TNFRSF1B: variants seen among roughly 807,000 people sequenced by gnomAD.
The protein encoded by TNFRSF1B is tumor necrosis factor receptor superfamily member 1B.
In TNFRSF1B, 19 loss-of-function variants were observed where a neutral mutation model predicts 44.6. The observed-to-expected ratio is 0.43, with a 90% CI of 0.30 to 0.62. The LOEUF (loss-of-function observed/expected upper bound fraction) is 0.62. TNFRSF1B is among the 20% of genes least tolerant of loss of function. The probability of loss-of-function intolerance (pLI) is 0.16; values close to 1 mark genes in which losing one functional copy is unlikely to be tolerated. For missense variants in TNFRSF1B, 541 were observed against 619.9 expected, an observed-to-expected ratio of 0.87 and a Z score of 1.35; for synonymous variants, 252 against 261.1, an observed-to-expected ratio of 0.97 and a Z score of 0.34.
Position 12,180,161 on chromosome 1 carries a change from G to A in TNFRSF1B, c.79-8635G>A, listed in dbSNP as rs977879688. Among the ~76,000 whole-genome samples, 4 of 152,144 alleles carry A rather than the reference G, an allele frequency of 2.6e-5. No individual in the cohort carries two copies. The highest frequency in any genetic ancestry group is 2.1e-4 in the South Asian group (1 of 4,834). On this transcript the variant is annotated intron_variant, in intron 1 of 9. Transcript: ENST00000376259. The surrounding 1 kb of genome is among the most constrained non-coding windows in gnomAD (Gnocchi z 4.3). The stretch of plus-strand genomic sequence containing the variant: ...AAAAGCCATGAAGGCCGGGCACAGC[G>A]GCTCACGCCTGTAATCCCAGCACTT...
intron 1 of TNFRSF1B, among the ~76,000 whole-genome samples, chr1:12,181,646 C>T (rs1638809912): frequency 6.6e-6 from 1 of 152,172 alleles, no homozygotes; most frequent in Admixed American, 6.5e-5. Flanking sequence ...TCCAGCACAC[C>T]TGGGAAAGGG....
intron 1 of TNFRSF1B, among the ~76,000 whole-genome samples, chr1:12,183,720 C>CTACCTATCTATCTATCTATCTAT (rs1638889745): frequency 2.0e-4 from 18 of 92,148 alleles, no homozygotes; most frequent in South Asian, 4.1e-4. Context: ...ATTCTATCTA[C>CTACCTATCTATCTATCTATCTAT]CTATCTATCT....
intron 4 of TNFRSF1B, 55 bp downstream of exon 4, chr1:12,191,978 C>A: frequency 6.4e-7 from 1 of 1,574,564 alleles, no homozygotes; most frequent in Non-Finnish European, 8.6e-7. Flanking sequence ...CCTTTGTAGA[C>A]ATCCTTGCAG....
At chr1:12,206,243 G>T (rs550845807) in intron 9 of TNFRSF1B, among the ~76,000 whole-genome samples, 1 of 151,930 alleles carries the variant, frequency 6.6e-6, no homozygotes, top group Non-Finnish European at 1.5e-5. Context: ...AGCAGGGTGC[G>T]GTGGCCTGTA....
chr1:12,183,740 TCTATCTATCTAGCTAGCTAGCTAGCTAG>T (rs1388617285), intron 1 of TNFRSF1B, among the ~76,000 whole-genome samples: 4 of 131,088 alleles, frequency 3.1e-5, no homozygotes, highest in Admixed American at 7.3e-5. Context: ...TATCTATCTA[TCTATCTATCTAGCTAGCTAGCTAGCTAG>T]CTATCTATTC....
intron 3 of TNFRSF1B, 80 bp from the exon 4 acceptor site, chr1:12,191,694 A>G (rs1416127382): frequency 6.3e-7 from 1 of 1,579,956 alleles, no homozygotes; most frequent in South Asian, 1.1e-5. Context: ...CCGCTGTCTG[A>G]GAGTGCTGGG....
At position 12,187,654 on chromosome 1, in the gene TNFRSF1B, C is replaced by T. The variant is rs1262366838; in HGVS notation, c.79-1142C>T. ...TATAAAATGGCTGCAGTAGGGAAAC[C>T]GTCTCCATCTTCATTGGGTGGTTGG... On this transcript the variant is annotated intron_variant, in intron 1 of 9. Transcript: ENST00000376259. The surrounding 1 kb of genome is among the most constrained non-coding windows in gnomAD (Gnocchi z 5.5). Among the ~76,000 whole-genome samples the T allele has an allele frequency of 1.3e-5, 2 of 152,288 alleles. No individual in the cohort carries two copies. The highest frequency in any genetic ancestry group is 1.9e-4 in the East Asian group (1 of 5,178).
rs900081835 is a variant in TNFRSF1B at position 12,199,916 on chromosome 1, G to A, written c.901-2051G>A. 3.9e-5 allele frequency among the ~76,000 whole-genome samples: 6 copies of A among 152,184 alleles called. No individual in the cohort carries two copies. Among genetic ancestry groups the A allele is most frequent in the African/African-American group, 1.4e-4 (6 of 41,440 alleles). ...TTTTTGCTGGGATCAGAAAACAATC[G>A]CTTAGAATTCCAAGGCAAGGGTGTG... On this transcript the variant is annotated intron_variant, in intron 8 of 9. Coordinates refer to ENST00000376259, the MANE Select transcript of TNFRSF1B (RefSeq NM_001066.3). This position sits in a 1 kb window ranked among gnomAD's most constrained non-coding sequence, Gnocchi z 4.0.
intron 2 of TNFRSF1B, among the ~76,000 whole-genome samples, chr1:12,189,520 A>C (rs1163320618): frequency 6.6e-6 from 1 of 152,190 alleles, no homozygotes; most frequent in East Asian, 1.9e-4. Flanking sequence ...CAGTTGGTGG[A>C]GCTAGGTAGC....
chr1:12,198,121 CAAAAA>C (rs5772486), intron 8 of TNFRSF1B, among the ~76,000 whole-genome samples: 2 of 98,770 alleles, frequency 2.0e-5, no homozygotes, highest in African/African-American at 3.8e-5. Flanking sequence ...GACTCCATCT[CAAAAA>C]AAAAAAAAAA....
At chr1:12,175,484 C>T (rs551079396) in intron 1 of TNFRSF1B, among the ~76,000 whole-genome samples, 3 of 152,252 alleles carry the variant, frequency 2.0e-5, no homozygotes, top group East Asian at 1.9e-4. Flanking sequence ...CCTCAGTTAG[C>T]GGGACCCCCA....
intron 2 of TNFRSF1B, 72 bp from the exon 3 acceptor site, chr1:12,190,885 G>C: frequency 1.3e-6 from 2 of 1,556,160 alleles, no homozygotes; most frequent in South Asian, 2.4e-5. Context: ...GGACTTTGTG[G>C]GGACAGTGGA....
chr1:12,191,353 G>C (rs370209169), intron 3 of TNFRSF1B, among the ~76,000 whole-genome samples: 1 of 152,266 alleles, frequency 6.6e-6, no homozygotes, highest in Non-Finnish European at 1.5e-5. Context: ...GCGCATGCTC[G>C]TGCTGCGAGG....
At chr1:12,197,864 G>A (rs547400531) in intron 8 of TNFRSF1B, among the ~76,000 whole-genome samples, 212 of 152,262 alleles carry the variant, frequency 1.4e-3, no homozygotes, top group African/African-American at 4.9e-3. Context: ...CATGGCTCAC[G>A]CCTGTAATCC....
intron 9 of TNFRSF1B, among the ~76,000 whole-genome samples, chr1:12,203,070 C>G (rs1639426877): frequency 6.6e-6 from 1 of 152,220 alleles, no homozygotes; most frequent in South Asian, 2.1e-4. Context: ...TGGAGGGGCC[C>G]CTGTACAGGG....
chr1:12,188,758 C>T (rs747230676), intron 1 of TNFRSF1B, 38 bp from the exon 2 acceptor site: 26 of 1,591,510 alleles, frequency 1.6e-5, no homozygotes, highest in East Asian at 1.1e-4. Context: ...AACCCAGGGG[C>T]GGCCCTGTTG....
At chr1:12,185,336 A>G (rs1369864829) in intron 1 of TNFRSF1B, among the ~76,000 whole-genome samples, 1 of 151,906 alleles carries the variant, frequency 6.6e-6, no homozygotes, top group African/African-American at 2.4e-5. Flanking sequence ...TTTTAATGGT[A>G]CAGCTTCCTG....
At position 12,193,970 on chromosome 1, in the gene TNFRSF1B, T is replaced by C. The variant is rs775210038; in HGVS notation, c.803T>C (p.Val268Ala). Reference protein sequence around the residue: ...FALPVGLIVGVTALGLLIIGV... With the variant: ...FALPVGLIVGATALGLLIIGV... ...TTCTTTCTAGGACTGATTGTGGGTGTGACAGCCTTGGGTCTACTAATAATA... is the reference window on the plus strand; with the variant it reads ...TTCTTTCTAGGACTGATTGTGGGTGCGACAGCCTTGGGTCTACTAATAATA... The change falls in exon 7 of 10, where the codon GTG (valine) becomes GCG (alanine). Residue 268 changes from valine to alanine, a missense_variant. Val to Ala is a moderately conservative substitution (Grantham distance 64). Coordinates refer to ENST00000376259, the MANE Select transcript of TNFRSF1B (RefSeq NM_001066.3). 9.0e-5 allele frequency: 145 copies of C among 1,613,932 alleles called. No homozygotes were observed. Among genetic ancestry groups the C allele is most frequent in the Non-Finnish European group, 1.2e-4 (142 of 1,179,930 alleles).
At chr1:12,183,711 T>TATCTA (rs1553163383) in intron 1 of TNFRSF1B, among the ~76,000 whole-genome samples, 2 of 93,224 alleles carry the variant, frequency 2.1e-5, no homozygotes, top group Non-Finnish European at 4.9e-5. Flanking sequence ...TATCTATCTA[T>TATCTA]TCTATCTACC....
Sources: allele counts gnomAD v4.1 joint callset (sites outside exome capture counted in the v4.1 genomes callset), GRCh38; gene constraint gnomAD v4.1.1; non-coding constraint Gnocchi (gnomAD v3.1); transcripts MANE v1.5; gene names NCBI Gene and HGNC (gene_info 2026-07-23, HGNC 2026-07-21).